Variants in TIAM2 observed in about 807,000 individuals in gnomAD.
TIAM2 encodes the protein TIAM Rac1 associated GEF 2, also known as rho guanine nucleotide exchange factor TIAM2.
TIAM2 carries 80 observed loss-of-function variants against 152.9 expected under a neutral mutation model. The observed-to-expected ratio is 0.52, with a 90% CI of 0.44 to 0.63. The LOEUF (loss-of-function observed/expected upper bound fraction) is 0.63, where lower values mean the gene tolerates loss of function less well. TIAM2 is among the 30% of genes least tolerant of loss of function. TIAM2 has a pLI of 0.00. For missense variants in TIAM2, 1,965 were observed against 2,120.1 expected (o/e 0.93, Z 1.44); for synonymous variants, 804 against 838.0 (o/e 0.96, Z 0.70).
Position 155,099,607 on chromosome 6 carries a change from C to T in TIAM2, c.-118+9228C>T, listed in dbSNP as rs146275763. Among the ~76,000 whole-genome samples the T allele has an allele frequency of 1.3e-3, 192 of 152,268 alleles. 3 individuals are homozygous for T. In the East Asian group the frequency reaches 0.032, roughly 25 times the overall value. On this transcript the variant is annotated intron_variant, in intron 2 of 26. Coordinates refer to ENST00000682666, the MANE Select transcript of TIAM2 (RefSeq NM_012454.4). ...GGAAAATTACCAGAACTTTGAGGCC[C>T]AGTAACATTGCTTCATAACAGTGTT...
intron 21 of TIAM2, among the ~76,000 whole-genome samples, chr6:155,250,298 T>G (rs949206444): frequency 6.6e-6 from 1 of 151,218 alleles, no homozygotes; most frequent in South Asian, 2.1e-4. Flanking sequence ...TGCCTTTTTT[T>G]TTTTTTTTTT....
intron 15 of TIAM2, among the ~76,000 whole-genome samples, chr6:155,219,415 T>C (rs891443418): frequency 3.3e-5 from 5 of 152,056 alleles, no homozygotes; most frequent in Non-Finnish European, 4.4e-5. Context: ...TTGCCCCTCC[T>C]GGAAGAGAGG....
intron 1 of TIAM2, among the ~76,000 whole-genome samples, chr6:155,034,416 G>A (rs1184461553): frequency 1.3e-5 from 2 of 151,950 alleles, no homozygotes; most frequent in Admixed American, 6.6e-5. Context: ...CACCATGCCC[G>A]GCTAATTTTT....
intron 14 of TIAM2, among the ~76,000 whole-genome samples, chr6:155,184,031 C>G (rs1339933036): frequency 1.3e-5 from 2 of 152,024 alleles, no homozygotes; most frequent in African/African-American, 4.8e-5. Flanking sequence ...CTCTGTCACC[C>G]AGGCTGGAGT....
chr6:155,089,311 A>G (rs1192249909), intron 1 of TIAM2, among the ~76,000 whole-genome samples: 2 of 152,062 alleles, frequency 1.3e-5, no homozygotes, highest in African/African-American at 2.4e-5. Flanking sequence ...TCTGCCTCCA[A>G]TTCTCCTGCC....
intron 1 of TIAM2, among the ~76,000 whole-genome samples, chr6:155,003,469 G>T (rs1778348170): frequency 6.6e-6 from 1 of 152,052 alleles, no homozygotes; most frequent in African/African-American, 2.4e-5. Flanking sequence ...AACAGAGTGA[G>T]ACTCTGTCTC....
chr6:155,107,745 T>A (rs1409472605), intron 2 of TIAM2, among the ~76,000 whole-genome samples: 1 of 152,174 alleles, frequency 6.6e-6, no homozygotes, highest in East Asian at 1.9e-4. Context: ...TCCCTTGTAA[T>A]CTTGGGAGGG....
rs190066529 is a variant in TIAM2 at position 155,227,879 on chromosome 6, A to C, written c.3169-12651A>C. Among the ~76,000 whole-genome samples, 4 of 152,332 alleles carry C rather than the reference A, an allele frequency of 2.6e-5. No individual in the cohort carries two copies. The East Asian group carries it at 7.7e-4, about 29-fold the overall frequency. ...GTCTAGAAGCACATCTAAGATGCCC[A>C]AGGAGTGTCGGCAAGGAACTGGAAT... On this transcript the variant is annotated intron_variant, in intron 15 of 26. Transcript: ENST00000682666.
chr6:155,159,667 A>G (rs1368319248), intron 7 of TIAM2, among the ~76,000 whole-genome samples: 1 of 152,038 alleles, frequency 6.6e-6, no homozygotes, highest in African/African-American at 2.4e-5. Flanking sequence ...CTTCCCTCTA[A>G]GGAACCCGAG....
At chr6:155,153,101 T>C (rs1478929582) in intron 7 of TIAM2, among the ~76,000 whole-genome samples, 1 of 152,144 alleles carries the variant, frequency 6.6e-6, no homozygotes, top group Non-Finnish European at 1.5e-5. Context: ...TTTGACAGAA[T>C]CATCACTTTA....
intron 1 of TIAM2, among the ~76,000 whole-genome samples, chr6:155,089,398 G>A (rs1778247880): frequency 6.6e-6 from 1 of 152,092 alleles, no homozygotes; most frequent in Non-Finnish European, 1.5e-5. Context: ...GTAGAGACGG[G>A]GTTTCACCGT....
chr6:155,019,821 G>A (rs1483938780), intron 1 of TIAM2, among the ~76,000 whole-genome samples: 1 of 152,200 alleles, frequency 6.6e-6, no homozygotes, highest in Non-Finnish European at 1.5e-5. Context: ...TTGGGAGGCC[G>A]AGGCGGGCGG....
chr6:155,131,288 A>G (rs1779439468), intron 4 of TIAM2, among the ~76,000 whole-genome samples: 1 of 151,592 alleles, frequency 6.6e-6, no homozygotes, highest in Non-Finnish European at 1.5e-5. Context: ...TGAACCTGGG[A>G]GGCAGAGGTT....
Position 155,104,042 on chromosome 6 carries a change from C to CACA in TIAM2, c.-118+13663_-118+13664insACA, listed in dbSNP as rs1778614702. Among the ~76,000 whole-genome samples, 4 of 62,010 alleles carry CACA rather than the reference C, an allele frequency of 6.5e-5. No homozygotes were observed. The South Asian group carries it at 1.2e-3, about 19-fold the overall frequency. The allele number at this position is 62,010 out of a possible 152,430, so 40.7% of individuals were successfully genotyped here. A position where few individuals can be genotyped will look rare whatever the true frequency, so the allele number is the denominator to read the frequency against. ...CTGTATTTACCTCACACACACACAC[C>CACA]CCCCCCCCCACACCCCCACACACCC... On this transcript the variant is annotated intron_variant, in intron 2 of 26. Coordinates refer to ENST00000682666, the MANE Select transcript of TIAM2 (RefSeq NM_012454.4).
At chr6:155,195,142 C>T (rs1179499748) in intron 14 of TIAM2, among the ~76,000 whole-genome samples, 1 of 152,152 alleles carries the variant, frequency 6.6e-6, no homozygotes, top group Non-Finnish European at 1.5e-5. Flanking sequence ...CTTTATTTTT[C>T]AACAAGATTC....
rs1781792073 is a variant in TIAM2, at chr6:155,214,034, A to AC, written c.3168+2730dup. ...GTCGCGGCTACGTGGCTGCAGCAGTACCCGGGAGGGCGGGGCTCCTTCCTG... is the reference window on the plus strand; with the variant it reads ...GTCGCGGCTACGTGGCTGCAGCAGTACCCCGGGAGGGCGGGGCTCCTTCCTG... On this transcript the variant is annotated intron_variant, in intron 15 of 26. Transcript: ENST00000682666. This position sits in a 1 kb window ranked among gnomAD's most constrained non-coding sequence, Gnocchi z 5.4. Among the ~76,000 whole-genome samples, 1 of 152,164 alleles carries AC rather than the reference A, an allele frequency of 6.6e-6. No homozygotes were observed.
intron 1 of TIAM2, among the ~76,000 whole-genome samples, chr6:155,028,837 A>C: frequency 7.5e-6 from 1 of 132,912 alleles, no homozygotes; most frequent in South Asian, 2.3e-4. Flanking sequence ...TGTTATATAT[A>C]TACTATGTTA....
chr6:155,257,066 C>T lies in TIAM2; in HGVS notation c.5051C>T (p.Thr1684Ile), dbSNP rs1203685057. The T allele has an allele frequency of 6.2e-7, 1 of 1,613,832 alleles. No homozygotes were observed. The highest frequency in any genetic ancestry group is 1.3e-5 in the African/African-American group (1 of 74,834). Residue 1684 changes from threonine (T) to isoleucine (I), a missense_variant, in exon 27 of 27, where the codon ACA (threonine) becomes ATA (isoleucine). Transcript: ENST00000682666. Reference sequence around the variant, plus strand: ...CGAGAATTCAGTGTCCAGAGTTTAACATCTGTTGTCAGTGAGGAGTGTTTT... The same window carrying T: ...CGAGAATTCAGTGTCCAGAGTTTAATATCTGTTGTCAGTGAGGAGTGTTTT... ...LEREFSVQSL[T>I]SVVSEECFYE... is the part of the protein sequence containing the mutation.
intron 4 of TIAM2, among the ~76,000 whole-genome samples, chr6:155,130,756 C>T (rs947501865): frequency 2.6e-5 from 4 of 152,118 alleles, no homozygotes; most frequent in Non-Finnish European, 4.4e-5. Flanking sequence ...CAGTGTGGTC[C>T]GATTCTGGGG....
Sources: gnomAD v4.1 joint callset for allele counts (sites outside exome capture counted in the v4.1 genomes callset) on GRCh38, gnomAD v4.1.1 for gene constraint, Gnocchi (gnomAD v3.1) non-coding constraint, MANE v1.5 for transcripts, NCBI Gene and HGNC (gene_info 2026-07-23, HGNC 2026-07-21) for gene names.